Variants in FAP observed in about 807,000 individuals in gnomAD.
The protein encoded by FAP is prolyl endopeptidase FAP.
A neutral mutation model predicts 126.5 loss-of-function variants in FAP; 110 were observed. The ratio of observed to expected loss-of-function variants is 0.87; its 90% CI spans 0.74 to 1.02. The LOEUF is 1.02. Ranked by LOEUF, FAP falls within the 50% of genes least tolerant of loss-of-function variation. The probability of loss-of-function intolerance (pLI) is 0.00; values close to 1 mark genes in which losing one functional copy is unlikely to be tolerated. For missense variants in FAP, 919 were observed against 909.2 expected, an observed-to-expected ratio of 1.01 and a Z score of -0.14; for synonymous variants, 334 against 297.3, an observed-to-expected ratio of 1.12 and a Z score of -1.27.
intron 9 of FAP, among the ~76,000 whole-genome samples, chr2:162,217,570 C>G (rs1269730004): frequency 1.3e-5 from 2 of 152,100 alleles, no homozygotes; most frequent in Non-Finnish European, 2.9e-5. Context: ...GGACCATAAC[C>G]CATGCCTGCT....
intron 10 of FAP, among the ~76,000 whole-genome samples, chr2:162,214,935 T>C (rs1689108501): frequency 6.6e-6 from 1 of 152,196 alleles, no homozygotes; most frequent in South Asian, 2.1e-4. Flanking sequence ...CGTTTGCTAC[T>C]ACTATTTTAT....
Position 162,194,726 on chromosome 2 carries a change from G to A in FAP, c.1425C>T (p.Thr475=), listed in dbSNP as rs766380368. ...VCYGPGIPIS[T]LHDGRTDQEI... Reference sequence around the variant, plus strand: ...CTTGATCAGTGCGTCCATCATGAAGGGTGGAAATGGGGATGCCTGGGCCTG... The same window carrying A: ...CTTGATCAGTGCGTCCATCATGAAGAGTGGAAATGGGGATGCCTGGGCCTG... Residue 475 remains threonine (T), a synonymous_variant, in exon 17 of 26, where the codon ACC becomes ACT. Transcript: ENST00000188790. 1 of 1,613,638 alleles carries A rather than the reference G, an allele frequency of 6.2e-7. No homozygotes were observed.
intron 8 of FAP, 107 bp downstream of exon 8, chr2:162,218,956 A>G: frequency 1.1e-6 from 1 of 872,076 alleles, no homozygotes; most frequent in Non-Finnish European, 1.6e-6. Context: ...CAGCAATGCT[A>G]CCCTTCATGG....
intron 20 of FAP, among the ~76,000 whole-genome samples, chr2:162,186,903 C>T (rs1420958084): frequency 6.6e-6 from 1 of 151,904 alleles, no homozygotes; most frequent in Non-Finnish European, 1.5e-5. Context: ...ACTATCTCCT[C>T]CAAACAAGTG....
intron 14 of FAP, among the ~76,000 whole-genome samples, chr2:162,200,849 T>TAG (rs1688469887): frequency 6.6e-6 from 1 of 152,184 alleles, no homozygotes; most frequent in Non-Finnish European, 1.5e-5. Context: ...TTTATTATAT[T>TAG]ATATTCTGAT....
At chr2:162,242,213 T>C (rs759110754) in intron 2 of FAP, among the ~76,000 whole-genome samples, 2 of 152,172 alleles carry the variant, frequency 1.3e-5, no homozygotes, top group Non-Finnish European at 2.9e-5. Context: ...TATCACTAGA[T>C]TATCTATCAA....
At position 162,214,767 on chromosome 2, in the gene FAP, C is replaced by A. The variant is rs190798732; in HGVS notation, c.867-694G>T. On this transcript the variant is annotated intron_variant, in intron 10 of 25. Transcript: ENST00000188790. The stretch of plus-strand genomic sequence containing the variant: ...TCAGGCTCAAATCCTGGCTTTATGT[C>A]CTAATAGTTATATACCTTTAGGCCA... 3.9e-5 allele frequency among the ~76,000 whole-genome samples: 6 copies of A among 151,912 alleles called. No homozygotes were observed. The East Asian group carries it at 1.2e-3, about 29-fold the overall frequency.
intron 12 of FAP, 189 bp downstream of exon 12, chr2:162,209,763 T>C: frequency 5.4e-6 from 3 of 558,962 alleles, no homozygotes; most frequent in Non-Finnish European, 6.3e-6. Context: ...TTCAATAGAA[T>C]TCTAAAAAGG....
chr2:162,223,621 C>A lies in FAP; in HGVS notation c.400G>T (p.Asp134Tyr), dbSNP rs1431393251. The A allele has an allele frequency of 6.2e-7, 1 of 1,606,016 alleles. No homozygotes were observed. Among genetic ancestry groups the A allele is most frequent in the Non-Finnish European group, 8.5e-7 (1 of 1,173,158 alleles). Reference protein sequence around the residue: ...YSYTATYYIYDLSNGEFVRGN... With the variant: ...YSYTATYYIYYLSNGEFVRGN... ...GAGGTGATTTACCCATTGCTAAGGT[C>A]ATAGATGTAATATGTTGCTGTGTAA... Residue 134 changes from aspartate (D) to tyrosine (Y), a missense_variant, in exon 6 of 26, where the codon GAC (aspartate) becomes TAC (tyrosine). Asp to Tyr is a radical substitution (Grantham distance 160, BLOSUM62 -3). Coordinates refer to ENST00000188790, the MANE Select transcript of FAP (RefSeq NM_004460.5).
intron 16 of FAP, among the ~76,000 whole-genome samples, chr2:162,196,484 G>A (rs1688256389): frequency 6.6e-6 from 1 of 150,888 alleles, no homozygotes; most frequent in Non-Finnish European, 1.5e-5. Flanking sequence ...GAATTTTCAT[G>A]AGTGTGTAGT....
chr2:162,226,541 A>G lies in FAP; in HGVS notation c.172T>C (p.Phe58Leu). 6.4e-7 allele frequency: 1 copy of G among 1,574,800 alleles called. No individual in the cohort carries two copies. The highest frequency in any genetic ancestry group is 8.7e-7 in the Non-Finnish European group (1 of 1,152,670). The change falls in exon 3 of 26, where the codon TTT (phenylalanine) becomes CTT (leucine). Residue 58 changes from phenylalanine (F) to leucine (L), a missense_variant. Phe to Leu is a conservative substitution (Grantham distance 22). Transcript: ENST00000188790. ...CACTTACCTGAAATCCAGTTTGGAA[A>G]AAATGTTTTATAAGAAAATGTTCCA... ...LNGTFSYKTF[F>L]PNWISGQEYL...
Position 162,218,054 on chromosome 2 carries a change from G to C in FAP, c.694C>G (p.Pro232Ala). Reference sequence around the variant, plus strand: ...CCATAATAGGAATAGGCAATAACTGGTATATCCGTATCATTAAATTCCGCA... The same window carrying C: ...CCATAATAGGAATAGGCAATAACTGCTATATCCGTATCATTAAATTCCGCA... ...AYAEFNDTDI[P>A]VIAYSYYGDE... The change falls in exon 9 of 26, where the codon CCA becomes GCA. Residue 232 changes from proline (P) to alanine (A), a missense_variant. Coordinates refer to ENST00000188790, the MANE Select transcript of FAP (RefSeq NM_004460.5). The C allele has an allele frequency of 6.2e-7, 1 of 1,604,868 alleles. No homozygotes were observed. Among genetic ancestry groups the C allele is most frequent in the Non-Finnish European group, 8.5e-7 (1 of 1,173,798 alleles).
intron 12 of FAP, among the ~76,000 whole-genome samples, chr2:162,209,321 C>T (rs1688833767): frequency 6.6e-6 from 1 of 152,010 alleles, no homozygotes. Context: ...AATTTTTATT[C>T]TTCATATACG....
At chr2:162,188,656 A>G (rs927342958) in intron 19 of FAP, among the ~76,000 whole-genome samples, 2 of 152,108 alleles carry the variant, frequency 1.3e-5, no homozygotes, top group African/African-American at 4.8e-5. Flanking sequence ...ACTTGCTAAA[A>G]GCAGACATAA....
intron 2 of FAP, 118 bp from the exon 3 acceptor site, chr2:162,226,739 G>A (rs1689669680): frequency 3.5e-6 from 2 of 578,224 alleles, no homozygotes. Flanking sequence ...TGTTTGCTAA[G>A]TGGTTGTTGA....
chr2:162,202,463 G>T (rs1210709149), intron 14 of FAP, among the ~76,000 whole-genome samples: 4 of 152,148 alleles, frequency 2.6e-5, no homozygotes, highest in African/African-American at 4.8e-5. Context: ...CTCCATAAAT[G>T]ACAGTTGTTA....
chr2:162,234,760 A>C (rs1313039657), intron 2 of FAP, among the ~76,000 whole-genome samples: 1 of 152,034 alleles, frequency 6.6e-6, no homozygotes. Flanking sequence ...TTCTGGCCGC[A>C]CTTCAGGAGC....
At chr2:162,215,588 G>C (rs932992027) in intron 10 of FAP, among the ~76,000 whole-genome samples, 1 of 152,186 alleles carries the variant, frequency 6.6e-6, no homozygotes, top group Non-Finnish European at 1.5e-5. Flanking sequence ...TTGAGATAAA[G>C]TCAGCCAAAC....
In FAP at chr2:162,172,878, A is replaced by G; in HGVS notation, c.2114T>C (p.Val705Ala). 6.2e-7 allele frequency: 1 copy of G among 1,611,604 alleles called. No individual in the cohort carries two copies. The highest frequency in any genetic ancestry group is 8.5e-7 in the Non-Finnish European group (1 of 1,178,042). Residue 705 changes from valine to alanine, a missense_variant, in exon 25 of 26, where the codon GTG becomes GCG. Transcript: ENST00000188790. ...AATCTGTGCTGAGTTTTGAAAGTGC[A>G]CATTATCTGCAACAAAGAGAGAGAG... ...LLIHGTADDN[V>A]HFQNSAQIAK...
Sources: gnomAD v4.1 joint callset for allele counts (sites outside exome capture counted in the v4.1 genomes callset) on GRCh38, gnomAD v4.1.1 for gene constraint, MANE v1.5 for transcripts, NCBI Gene and HGNC (gene_info 2026-07-23, HGNC 2026-07-21) for gene names.